TIMM22: variants seen among roughly 807,000 people sequenced by gnomAD.
The protein encoded by TIMM22 is translocase of inner mitochondrial membrane 22.
Under a neutral mutation model 18.3 loss-of-function variants are expected in TIMM22, and 12 were observed. The ratio of observed to expected loss-of-function variants is 0.65; its 90% CI spans 0.42 to 1.06. The LOEUF (loss-of-function observed/expected upper bound fraction) is 1.06, where lower values mean the gene tolerates loss of function less well. TIMM22 is among the 50% of genes least tolerant of loss of function. TIMM22 has a pLI of 0.00. For synonymous variants in TIMM22, 107 were observed against 98.5 expected, an observed-to-expected ratio of 1.09 and a Z score of -0.51; for missense variants, 278 against 252.8, an observed-to-expected ratio of 1.10 and a Z score of -0.68.
At position 997,207 on chromosome 17, in the gene TIMM22, C is replaced by CGCTGCAGTACAGCCTGCT. The variant is rs2069690887; in HGVS notation, c.66_83dup (p.Ser26_Tyr31dup). 1.9e-6 allele frequency: 3 copies of CGCTGCAGTACAGCCTGCT among 1,612,682 alleles called. No individual in the cohort carries two copies. The South Asian group carries it at 3.3e-5, about 18-fold the overall frequency. On this transcript the variant is annotated inframe_insertion, in exon 1 of 4. Coordinates refer to ENST00000327158, the MANE Select transcript of TIMM22 (RefSeq NM_013337.4). ...GAGACAGCGGGTTCCGCCGAAGCTC[C>CGCTGCAGTACAGCCTGCT]GCTGCAGTACAGCCTGCTCCTGCAG...
chr17:997,413 G>A (rs770265202), intron 1 of TIMM22, 33 bp downstream of exon 1: 1 of 1,599,740 alleles, frequency 6.3e-7, no homozygotes, highest in East Asian at 2.2e-5. Flanking sequence ...TTGGGAGGCT[G>A]AGGGCCTGGA....
chr17:999,462 T>G, intron 2 of TIMM22, 50 bp from the exon 3 acceptor site: 1 of 1,595,692 alleles, frequency 6.3e-7, no homozygotes, highest in South Asian at 1.1e-5. Flanking sequence ...TCCTTAATGG[T>G]CTGCCTTGGC....
rs903243572 is a variant in TIMM22, at chr17:1,003,077, T to C, written c.*1989T>C. ...GCCACTGACTCTCTCAAAGGGAGGG[T>C]GGGCCCTCGGAGACCCAGCTTCTCT... On this transcript the variant is annotated 3_prime_UTR_variant, in exon 4 of 4. Transcript: ENST00000327158. 1 of 152,072 alleles carries C rather than the reference T, an allele frequency of 6.6e-6. No individual in the cohort carries two copies. Among genetic ancestry groups the C allele is most frequent in the East Asian group, 1.9e-4 (1 of 5,158 alleles). The allele number at this position is 152,072 out of a possible 1,614,324, so 9.4% of individuals were successfully genotyped here.
intron 2 of TIMM22, 119 bp downstream of exon 2, chr17:999,094 C>T: frequency 9.6e-7 from 1 of 1,036,674 alleles, no homozygotes; most frequent in Non-Finnish European, 1.4e-6. Flanking sequence ...TCAGAAGCAT[C>T]AGATACATTC....
intron 1 of TIMM22, 80 bp from the exon 2 acceptor site, chr17:998,699 A>G: frequency 2.0e-6 from 3 of 1,473,084 alleles, no homozygotes; most frequent in Non-Finnish European, 2.7e-6. Flanking sequence ...ATCCAAAAGC[A>G]TGGTCCCTTC....
Position 1,001,099 on chromosome 17 carries a change from C to G in TIMM22, c.*11C>G, listed in dbSNP as rs746744924. Reference sequence around the variant, plus strand: ...TATTACCTCCGGTGAGAGTAATTGCCTGCAGGGAAGGATGATGCCAGCCCC... The same window carrying G: ...TATTACCTCCGGTGAGAGTAATTGCGTGCAGGGAAGGATGATGCCAGCCCC... On this transcript the variant is annotated 3_prime_UTR_variant, in exon 4 of 4. Coordinates refer to ENST00000327158, the MANE Select transcript of TIMM22 (RefSeq NM_013337.4). 2 of 1,613,168 alleles carry G rather than the reference C, an allele frequency of 1.2e-6. No individual in the cohort carries two copies. The highest frequency in any genetic ancestry group is 8.5e-7 in the Non-Finnish European group (1 of 1,179,816).
intron 1 of TIMM22, among the ~76,000 whole-genome samples, chr17:998,404 A>C (rs1958402937): frequency 6.6e-6 from 1 of 152,228 alleles, no homozygotes; most frequent in African/African-American, 2.4e-5. Flanking sequence ...AGGCTGTGGC[A>C]TACTGGCATG....
At position 999,003 on chromosome 17, in the gene TIMM22, C is replaced by T. The variant is rs766079942; in HGVS notation, c.435+28C>T. The T allele has an allele frequency of 1.0e-5, 16 of 1,578,668 alleles. No homozygotes were observed. In the African/African-American group the frequency reaches 1.9e-4, roughly 19 times the overall value. ...AAGTGTCTCTGCCTTCTAAGAAATC[C>T]TTGCTGGGGCCACCATTTCATTACT... On this transcript the variant is annotated intron_variant, in intron 2 of 3. Coordinates refer to ENST00000327158, the MANE Select transcript of TIMM22 (RefSeq NM_013337.4).
At chr17:1,000,644 T>C (rs2069735028) in intron 3 of TIMM22, among the ~76,000 whole-genome samples, 1 of 152,218 alleles carries the variant, frequency 6.6e-6, no homozygotes, top group Non-Finnish European at 1.5e-5. Context: ...GAAGCTCTGC[T>C]GTCTCCAGTA....
At chr17:1,000,489 G>A (rs1159311742) in intron 3 of TIMM22, among the ~76,000 whole-genome samples, 1 of 152,096 alleles carries the variant, frequency 6.6e-6, no homozygotes, top group Non-Finnish European at 1.5e-5. Context: ...CTTACCCAGA[G>A]CAAAAAGCCA....
Position 999,569 on chromosome 17 carries a change from G to T in TIMM22, c.493G>T (p.Ala165Ser). Residue 165 changes from alanine to serine, a missense_variant, in exon 3 of 4, where the codon GCT becomes TCT. Coordinates refer to ENST00000327158, the MANE Select transcript of TIMM22 (RefSeq NM_013337.4). ...SVISGCITGG[A>S]IGFRAGLKAG... ...CATCAGTGGCTGCATCACGGGAGGA[G>T]CTATTGGTTTCAGAGGTTAGTAAAC... is the stretch of plus-strand genomic sequence containing the variant. 6.2e-7 allele frequency: 1 copy of T among 1,613,438 alleles called. No individual in the cohort carries two copies. The highest frequency in any genetic ancestry group is 8.5e-7 in the Non-Finnish European group (1 of 1,179,744).
chr17:997,502 CG>C (rs1170689248), intron 1 of TIMM22, 122 bp downstream of exon 1: 4 of 945,320 alleles, frequency 4.2e-6, no homozygotes, highest in Non-Finnish European at 6.3e-6. Flanking sequence ...ACCACACCCT[CG>C]CCTCGTTCGT....
chr17:997,329 G>A lies in TIMM22; in HGVS notation c.187G>A (p.Glu63Lys), dbSNP rs2150663928. The change falls in exon 1 of 4, where the codon GAG (glutamate) becomes AAG (lysine). Residue 63 changes from glutamate to lysine, a missense_variant. Coordinates refer to ENST00000327158, the MANE Select transcript of TIMM22 (RefSeq NM_013337.4). ...PAKSEEQKMI[E>K]KAMESCAFKA... ...CAAGAGTGAGGAGCAGAAGATGATC[G>A]AGAAGGCGATGGAAAGCTGCGCTTT... 1 of 1,613,868 alleles carries A rather than the reference G, an allele frequency of 6.2e-7. No homozygotes were observed.
chr17:999,358 T>TATATATATATACATACATATATAC (rs1408779709), intron 2 of TIMM22, among the ~76,000 whole-genome samples, 154 bp from the exon 3 acceptor site: 3 of 132,586 alleles, frequency 2.3e-5, no homozygotes, highest in African/African-American at 6.4e-5. Flanking sequence ...TATATATATA[T>TATATATATATACATACATATATAC]ACACGCTGTA....
Position 998,685 on chromosome 17 carries a change from G to A in TIMM22, c.239-94G>A, listed in dbSNP as rs1232975748. The A allele has an allele frequency of 2.9e-6, 4 of 1,371,158 alleles. No individual in the cohort carries two copies. In the East Asian group the frequency reaches 9.6e-5, roughly 33 times the overall value. 84.9% of individuals were successfully genotyped at this position (1,371,158 alleles called of 1,614,324 possible). A position where few individuals can be genotyped will look rare whatever the true frequency, so the allele number is the denominator to read the frequency against. ...AGAGGGGGGTGTCCTCTGCACCGGT[G>A]GTCATCCAAAAGCATGGTCCCTTCC... On this transcript the variant is annotated intron_variant, in intron 1 of 3. Transcript: ENST00000327158.
In TIMM22 at chr17:999,516, G is replaced by A. The variant is rs770947425; in HGVS notation, c.440G>A (p.Arg147Gln). The change falls in exon 3 of 4, where the codon CGG (arginine) becomes CAG (glutamine). Residue 147 changes from arginine to glutamine, a missense_variant. Arg to Gln is a conservative substitution (Grantham distance 43, BLOSUM62 1). Coordinates refer to ENST00000327158, the MANE Select transcript of TIMM22 (RefSeq NM_013337.4). ...CGTGTACTTCCCTGCCCACAGTACC[G>A]GGGAACATCAGACTGGAAGAACAGT... is the stretch of plus-strand genomic sequence containing the variant. ...SCTECLIESYRGTSDWKNSVI... is the reference protein window; with the variant it reads ...SCTECLIESYQGTSDWKNSVI... 24 of 1,613,126 alleles carry A rather than the reference G, an allele frequency of 1.5e-5. No homozygotes were observed. Among genetic ancestry groups the A allele is most frequent in the Admixed American group, 1.0e-4 (6 of 59,888 alleles).
intron 3 of TIMM22, 82 bp from the exon 4 acceptor site, chr17:1,000,930 T>C (rs371528732): frequency 7.2e-6 from 10 of 1,393,728 alleles, no homozygotes; most frequent in Middle Eastern, 1.8e-4. Context: ...TTCATGACAC[T>C]GAGGGTGTGC....
Position 1,000,890 on chromosome 17 carries a change from G to A in TIMM22, c.509-122G>A, listed in dbSNP as rs333647. The A allele has an allele frequency of 2.0e-3, 1,859 of 933,904 alleles. 26 individuals are homozygous for A. The African/African-American group carries it at 0.027, about 14-fold the overall frequency. The allele number at this position is 933,904 out of a possible 1,614,324, so 57.9% of individuals were successfully genotyped here. On this transcript the variant is annotated intron_variant, in intron 3 of 3. Transcript: ENST00000327158. ...ATTGATGTCTTCCAGAGCTATGATC[G>A]TTTGAATGACTTACAGTGCTTAAGC...
rs2069742380 is a variant in TIMM22, at chr17:1,001,280, C to T, written c.*192C>T. 2 of 562,808 alleles carry T rather than the reference C, an allele frequency of 3.6e-6. No homozygotes were observed. Among genetic ancestry groups the T allele is most frequent in the South Asian group, 3.9e-5 (2 of 51,658 alleles). The allele number at this position is 562,808 out of a possible 1,614,324, so 34.9% of individuals were successfully genotyped here. ...TTTGGGGTAGCCACACTTTGCTGCT[C>T]CTGGACTCCAGCCAGCCTTCACAGA... On this transcript the variant is annotated 3_prime_UTR_variant, in exon 4 of 4. Transcript: ENST00000327158.
Sources: allele counts gnomAD v4.1 joint callset (sites outside exome capture counted in the v4.1 genomes callset), GRCh38; gene constraint gnomAD v4.1.1; transcripts MANE v1.5; gene names NCBI Gene and HGNC (gene_info 2026-07-23, HGNC 2026-07-21).